IPMK: variants seen among roughly 807,000 people sequenced by gnomAD.
IPMK encodes the protein inositol 1,3,4,6-tetrakisphosphate 5-kinase.
Under a neutral mutation model 45.8 loss-of-function variants are expected in IPMK, and 17 were observed. The observed-to-expected ratio is 0.37, with a 90% confidence interval of 0.25 to 0.56. IPMK has a LOEUF of 0.56. Among genes scored for constraint, IPMK ranks in the 20% least tolerant of loss-of-function variants. IPMK has a pLI of 0.79. For synonymous variants in IPMK, 180 were observed against 184.3 expected, an observed-to-expected ratio of 0.98 and a Z score of 0.19; for missense variants, 399 against 498.0, an observed-to-expected ratio of 0.80 and a Z score of 1.89.
At chr10:58,258,666 A>G (rs1343818037) in intron 1 of IPMK, among the ~76,000 whole-genome samples, 2 of 152,210 alleles carry the variant, frequency 1.3e-5, no homozygotes, top group East Asian at 1.9e-4. Context: ...TTTTTAATAT[A>G]AATTATAATA....
In IPMK at chr10:58,237,740, A is replaced by T; in HGVS notation, c.265T>A (p.Phe89Ile). ...PPPRGPRELE[F>I]YNMVYAADCF... Reference sequence around the variant, plus strand: ...CTTACCTCACTTACCATATTATAGAATTCCAGCTCTCTTGGGCCCCTTGGA... The same window carrying T: ...CTTACCTCACTTACCATATTATAGATTTCCAGCTCTCTTGGGCCCCTTGGA... Residue 89 changes from phenylalanine (F) to isoleucine (I), a missense_variant, in exon 2 of 6, where the codon TTC becomes ATC. By Grantham distance (21) the Phe-to-Ile change is conservative. Coordinates refer to ENST00000373935, the MANE Select transcript of IPMK (RefSeq NM_152230.5). 6.2e-7 allele frequency: 1 copy of T among 1,611,832 alleles called. No homozygotes were observed. Among genetic ancestry groups the T allele is most frequent in the South Asian group, 1.1e-5 (1 of 91,036 alleles).
chr10:58,207,055 C>T lies in IPMK; in HGVS notation c.547-7734G>A, dbSNP rs555462251. Reference sequence around the variant, plus strand: ...CTTGCTCTGTTGCCCAGGCCTGGAGCGCAATGGCACGATCTCAGCTCACTG... The same window carrying T: ...CTTGCTCTGTTGCCCAGGCCTGGAGTGCAATGGCACGATCTCAGCTCACTG... On this transcript the variant is annotated intron_variant, in intron 4 of 5. Transcript: ENST00000373935. Among the ~76,000 whole-genome samples, 9 of 152,134 alleles carry T rather than the reference C, an allele frequency of 5.9e-5. No individual in the cohort carries two copies. The South Asian group carries it at 6.2e-4, about 11-fold the overall frequency.
intron 1 of IPMK, among the ~76,000 whole-genome samples, chr10:58,245,087 A>G (rs1439404086): frequency 1.4e-5 from 2 of 144,216 alleles, no homozygotes; most frequent in Non-Finnish European, 3.0e-5. Flanking sequence ...AAAATAAAAA[A>G]ATTAAAAAAT....
intron 2 of IPMK, 39 bp downstream of exon 2, chr10:58,237,690 A>C: frequency 6.8e-7 from 1 of 1,480,932 alleles, no homozygotes; most frequent in Non-Finnish European, 9.4e-7. Flanking sequence ...ACTCTGAAAA[A>C]CACTTTGAAG....
At chr10:58,215,814 C>A (rs776674030) in intron 4 of IPMK, among the ~76,000 whole-genome samples, 1 of 152,012 alleles carries the variant, frequency 6.6e-6, no homozygotes, top group South Asian at 2.1e-4. Context: ...TAAACAATAT[C>A]ACATTTACAT....
intron 4 of IPMK, among the ~76,000 whole-genome samples, chr10:58,209,648 T>C (rs1440056305): frequency 1.3e-5 from 2 of 152,088 alleles, no homozygotes; most frequent in African/African-American, 4.8e-5. Flanking sequence ...CTAGTGGAGG[T>C]GGCAGGGGAG....
At chr10:58,209,140 T>TG in intron 4 of IPMK, among the ~76,000 whole-genome samples, 1 of 152,154 alleles carries the variant, frequency 6.6e-6, no homozygotes, top group Non-Finnish European at 1.5e-5. Context: ...TGGGGGGTGC[T>TG]CCTCCTGTCA....
In IPMK at chr10:58,194,925, C is replaced by T. The variant is rs111364576; in HGVS notation, c.*1151G>A. On this transcript the variant is annotated 3_prime_UTR_variant, in exon 6 of 6. Transcript: ENST00000373935. ...TTTTCCAGGAACTGTAGCACTGCCC[C>T]TGTCCCCATGAAATTAAGTTACAAT... 4 of 151,894 alleles carry T rather than the reference C, an allele frequency of 2.6e-5. No homozygotes were observed. The highest frequency in any genetic ancestry group is 6.8e-3 in the Middle Eastern group (2 of 294). The allele number at this position is 151,894 out of a possible 1,614,324, so 9.4% of individuals were successfully genotyped here. A position where few individuals can be genotyped will look rare whatever the true frequency, so the allele number is the denominator to read the frequency against.
At chr10:58,248,761 T>C (rs1479562362) in intron 1 of IPMK, among the ~76,000 whole-genome samples, 3 of 152,216 alleles carry the variant, frequency 2.0e-5, no homozygotes, top group Non-Finnish European at 4.4e-5. Flanking sequence ...TCAATGTTTT[T>C]AGCTCCCTCA....
chr10:58,267,550 G>T lies in IPMK; in HGVS notation c.62C>A (p.Thr21Asn). The change falls in exon 1 of 6, where the codon ACC becomes AAC. Residue 21 changes from threonine (T) to asparagine (N), a missense_variant. Physicochemically the swap from Thr to Asn is moderately conservative, Grantham distance 65 (BLOSUM62 0). Coordinates refer to ENST00000373935, the MANE Select transcript of IPMK (RefSeq NM_152230.5). ...VEAPGPPEMR[T>N]SPAIESTPEG... ...AGGGGTGGACTCGATCGCCGGTGAG[G>T]TCCGCATTTCTGGGGGGCCCGGCGC... 1 of 1,611,446 alleles carries T rather than the reference G, an allele frequency of 6.2e-7. No individual in the cohort carries two copies. Among genetic ancestry groups the T allele is most frequent in the South Asian group, 1.1e-5 (1 of 90,814 alleles).
At chr10:58,263,778 T>C in intron 1 of IPMK, among the ~76,000 whole-genome samples, 1 of 152,232 alleles carries the variant, frequency 6.6e-6, no homozygotes, top group South Asian at 2.1e-4. Context: ...CAGCTATTGT[T>C]GGCCTCCACT....
chr10:58,205,008 T>G (rs898137840), intron 4 of IPMK, among the ~76,000 whole-genome samples: 28 of 152,278 alleles, frequency 1.8e-4, no homozygotes, highest in Non-Finnish European at 2.8e-4. Context: ...CAAATGGTGC[T>G]GGGACAACTG....
At chr10:58,205,547 C>T (rs1838058430) in intron 4 of IPMK, among the ~76,000 whole-genome samples, 1 of 152,246 alleles carries the variant, frequency 6.6e-6, no homozygotes, top group Non-Finnish European at 1.5e-5. Flanking sequence ...ATGGAACCAT[C>T]ATGAATTGCT....
At chr10:58,252,553 T>C (rs929871478) in intron 1 of IPMK, among the ~76,000 whole-genome samples, 1 of 151,662 alleles carries the variant, frequency 6.6e-6, no homozygotes, top group African/African-American at 2.4e-5. Flanking sequence ...ATCACACAGA[T>C]AATAAACATA....
rs1837832900 is a variant in IPMK, at chr10:58,192,570, AT to A, written c.*3505del. 6.6e-6 allele frequency: 1 copy of A among 151,896 alleles called. No homozygotes were observed. The highest frequency in any genetic ancestry group is 2.4e-5 in the African/African-American group (1 of 41,392). 9.4% of individuals were successfully genotyped at this position (151,896 alleles called of 1,614,324 possible). Reference sequence around the variant, plus strand: ...TAGATGCCTATTTTTCTATATCTCTATTTTAATTAAGTCCCCAATCCCACCC... The same window carrying A: ...TAGATGCCTATTTTTCTATATCTCTATTTAATTAAGTCCCCAATCCCACCC... On this transcript the variant is annotated 3_prime_UTR_variant, in exon 6 of 6. Transcript: ENST00000373935.
At chr10:58,219,311 T>G (rs747355928) in intron 3 of IPMK, among the ~76,000 whole-genome samples, 1 of 152,208 alleles carries the variant, frequency 6.6e-6, no homozygotes, top group Non-Finnish European at 1.5e-5. Flanking sequence ...TATGAAAGAA[T>G]GCGATACCAT....
intron 1 of IPMK, among the ~76,000 whole-genome samples, chr10:58,263,994 C>T (rs901978597): frequency 2.7e-4 from 41 of 152,134 alleles, no homozygotes; most frequent in African/African-American, 9.4e-4. Flanking sequence ...TGATTCTGGA[C>T]CAGATCCTGT....
chr10:58,209,309 T>C (rs1462078358), intron 4 of IPMK, among the ~76,000 whole-genome samples: 2 of 152,152 alleles, frequency 1.3e-5, no homozygotes, highest in Non-Finnish European at 2.9e-5. Flanking sequence ...TGCCCGCCTG[T>C]TGCAGTGTAT....
At chr10:58,219,313 C>T (rs990073228) in intron 3 of IPMK, among the ~76,000 whole-genome samples, 10 of 152,200 alleles carry the variant, frequency 6.6e-5, no homozygotes, top group African/African-American at 1.9e-4. Flanking sequence ...TGAAAGAATG[C>T]GATACCATGT....
Sources: gnomAD v4.1 joint callset for allele counts (sites outside exome capture counted in the v4.1 genomes callset) on GRCh38, gnomAD v4.1.1 for gene constraint, MANE v1.5 for transcripts, NCBI Gene and HGNC (gene_info 2026-07-23, HGNC 2026-07-21) for gene names.